ATP2C1: variants seen among roughly 807,000 people sequenced by gnomAD.
ATP2C1 encodes ATPase secretory pathway Ca2+ transporting 1.
Under a neutral mutation model 120.5 loss-of-function variants are expected in ATP2C1, and 31 were observed. The ratio of observed to expected loss-of-function variants is 0.26; its 90% CI spans 0.19 to 0.35. The LOEUF (loss-of-function observed/expected upper bound fraction) is 0.35, where lower values mean the gene tolerates loss of function less well. Ranked by LOEUF, ATP2C1 falls within the 10% of genes least tolerant of loss-of-function variation. The probability of loss-of-function intolerance (pLI) is 1.00; values close to 1 mark genes in which losing one functional copy is unlikely to be tolerated. For synonymous variants in ATP2C1, 351 were observed against 358.7 expected (o/e 0.98, Z 0.24); for missense variants, 731 against 1,107.5 (o/e 0.66, Z 4.83).
At chr3:130,919,229 T>C (rs2058834310) in intron 2 of ATP2C1, 1 of 157,142 alleles carries the variant, frequency 6.4e-6, no homozygotes, top group Admixed American at 6.7e-5. Context: ...TTTCTTTCTT[T>C]CTTTTTTTTT....
At chr3:130,881,957 G>A (rs888642618) in intron 1 of ATP2C1, among the ~76,000 whole-genome samples, 9 of 152,152 alleles carry the variant, frequency 5.9e-5, no homozygotes, top group African/African-American at 2.2e-4. Flanking sequence ...TTTTGGTGGA[G>A]TCTTTAGGTT....
intron 17 of ATP2C1, among the ~76,000 whole-genome samples, chr3:130,971,174 AT>A (rs1428715877): frequency 3.9e-5 from 6 of 152,214 alleles, no homozygotes; most frequent in African/African-American, 1.4e-4. Flanking sequence ...TTTGTAAACC[AT>A]CACACGGTAC....
intron 1 of ATP2C1, among the ~76,000 whole-genome samples, chr3:130,880,188 T>C (rs1446668371): frequency 1.3e-5 from 2 of 152,248 alleles, no homozygotes; most frequent in Non-Finnish European, 2.9e-5. Flanking sequence ...ATTTTTAGTT[T>C]GTAAGCCTCC....
At chr3:130,896,715 T>C (rs902072648) in intron 2 of ATP2C1, among the ~76,000 whole-genome samples, 2 of 152,240 alleles carry the variant, frequency 1.3e-5, no homozygotes, top group African/African-American at 4.8e-5. Context: ...AGCTGTGTGA[T>C]TTTAAGTAAA....
Position 130,934,793 on chromosome 3 carries a change from G to A in ATP2C1, c.324+82G>A, listed in dbSNP as rs2059596116. The A allele has an allele frequency of 6.4e-6, 6 of 941,550 alleles. No homozygotes were observed. In the Admixed American group the frequency reaches 8.1e-5, roughly 13 times the overall value. The allele number at this position is 941,550 out of a possible 1,614,324, so 58.3% of individuals were successfully genotyped here. ...GTTTTTATTTTGGAAAATAAATTGA[G>A]AAGTGCTCTCAGATTTTTTTCAGTG... On this transcript the variant is annotated intron_variant, in intron 5 of 27. Transcript: ENST00000510168.
intron 14 of ATP2C1, 69 bp from the exon 15 acceptor site, chr3:130,967,075 GT>G: frequency 8.5e-7 from 1 of 1,177,218 alleles, no homozygotes; most frequent in Non-Finnish European, 1.3e-6. Context: ...TAGTTTTTGG[GT>G]TTTATAGGTC....
At chr3:130,995,580 C>G (rs1391190514) in intron 22 of ATP2C1, among the ~76,000 whole-genome samples, 1 of 152,084 alleles carries the variant, frequency 6.6e-6, no homozygotes, top group Non-Finnish European at 1.5e-5. Context: ...GACTTTAATT[C>G]TTTGCTAAAA....
chr3:130,978,419 T>A (rs2061619026), intron 18 of ATP2C1, among the ~76,000 whole-genome samples: 1 of 152,118 alleles, frequency 6.6e-6, no homozygotes, highest in African/African-American at 2.4e-5. Context: ...TTGTTCAGTC[T>A]AATATCTCAG....
chr3:130,983,745 A>G (rs995282607), intron 20 of ATP2C1, among the ~76,000 whole-genome samples: 1 of 152,280 alleles, frequency 6.6e-6, no homozygotes, highest in South Asian at 2.1e-4. Context: ...CAGAATGTGT[A>G]TGGTTGGAAT....
intron 20 of ATP2C1, among the ~76,000 whole-genome samples, chr3:130,992,275 T>C (rs2062392039): frequency 6.6e-6 from 1 of 151,408 alleles, no homozygotes; most frequent in Non-Finnish European, 1.5e-5. Flanking sequence ...AAGTACTATT[T>C]GAGGAGGTTA....
intron 5 of ATP2C1, among the ~76,000 whole-genome samples, chr3:130,936,853 A>G (rs2059695916): frequency 6.6e-6 from 1 of 151,370 alleles, no homozygotes. Flanking sequence ...CCTAAAAAAA[A>G]TAAAAAAGAA....
At chr3:130,907,452 T>G (rs2058186245) in intron 2 of ATP2C1, among the ~76,000 whole-genome samples, 1 of 152,098 alleles carries the variant, frequency 6.6e-6, no homozygotes, top group African/African-American at 2.4e-5. Flanking sequence ...TTGCATATGA[T>G]GTGACATAAG....
chr3:130,959,222 C>T (rs1392825593), intron 11 of ATP2C1, 53 bp from the exon 12 acceptor site: 1 of 1,352,942 alleles, frequency 7.4e-7, no homozygotes, highest in East Asian at 2.3e-5. Flanking sequence ...TGTTCTGTTC[C>T]TTCTAGGTGA....
At chr3:130,957,460 G>A (rs2685193) in intron 11 of ATP2C1, among the ~76,000 whole-genome samples, 26,323 of 151,994 alleles carry the variant, frequency 0.17, 2,431 homozygotes, top group Middle Eastern at 0.24. Context: ...CACACATTAA[G>A]CACTTGCATT....
At chr3:130,936,826 A>C (rs2108405348) in intron 5 of ATP2C1, among the ~76,000 whole-genome samples, 1 of 151,042 alleles carries the variant, frequency 6.6e-6, no homozygotes, top group South Asian at 2.1e-4. Flanking sequence ...CAAAAAAAAA[A>C]AAAAAAAAAA....
rs1179539767 is a variant in ATP2C1, at chr3:130,902,292, TTTTTG to T, written c.6+7522_6+7526del. On this transcript the variant is annotated intron_variant, in intron 2 of 27. Transcript: ENST00000510168. ...TAATTTCAAGGCTTCACGTTTTTTT[TTTTTG>T]TTTTTTTTTTTTTTTTTTTTTTTTT... Among the ~76,000 whole-genome samples, 190 of 59,998 alleles carry T rather than the reference TTTTTG, an allele frequency of 3.2e-3. 2 individuals carry two copies. Among genetic ancestry groups the T allele is most frequent in the African/African-American group, 0.012 (173 of 14,056 alleles). The allele number at this position is 59,998 out of a possible 152,430, so 39.4% of individuals were successfully genotyped here.
intron 1 of ATP2C1, chr3:130,868,450 C>A: frequency 8.9e-6 from 1 of 112,192 alleles, no homozygotes; most frequent in Non-Finnish European, 1.9e-5. Context: ...CCTGGCCAGC[C>A]GCCCCGTCCG....
intron 1 of ATP2C1, among the ~76,000 whole-genome samples, chr3:130,873,745 T>C (rs1319222785): frequency 6.6e-6 from 1 of 152,176 alleles, no homozygotes; most frequent in Non-Finnish European, 1.5e-5. Flanking sequence ...TAGTATACTT[T>C]AAGTAAGTGT....
At chr3:130,969,896 C>A (rs979829039) in intron 17 of ATP2C1, among the ~76,000 whole-genome samples, 1 of 152,336 alleles carries the variant, frequency 6.6e-6, no homozygotes, top group Middle Eastern at 3.4e-3. Context: ...TAAGCCGCCA[C>A]CTTGTTCCTG....
Sources: gnomAD v4.1 joint callset for allele counts (sites outside exome capture counted in the v4.1 genomes callset) on GRCh38, gnomAD v4.1.1 for gene constraint, MANE v1.5 for transcripts, NCBI Gene and HGNC (gene_info 2026-07-23, HGNC 2026-07-21) for gene names.